Variants in CXCL12 observed in about 807,000 individuals in gnomAD.
The protein encoded by CXCL12 is C-X-C motif chemokine ligand 12.
Under a neutral mutation model 10.7 loss-of-function variants are expected in CXCL12, and 4 were observed. The observed-to-expected ratio is 0.37, with a 90% CI of 0.18 to 0.86. CXCL12 has a LOEUF of 0.86. CXCL12 is among the 40% of genes least tolerant of loss of function. The probability of loss-of-function intolerance (pLI) is 0.43; values close to 1 mark genes in which losing one functional copy is unlikely to be tolerated. For synonymous variants in CXCL12, 54 were observed against 45.4 expected (o/e 1.19, Z -0.77); for missense variants, 122 against 110.4 (o/e 1.10, Z -0.47).
downstream of CXCL12, among the ~76,000 whole-genome samples, chr10:44,376,717 G>A (rs756706240): frequency 3.7e-4 from 57 of 152,150 alleles, 1 homozygote; most frequent in African/African-American, 1.3e-3. Context: ...CTGTCCCTGT[G>A]AAAGCTTCAT....
chr10:44,371,434 T>C (rs1839310262), downstream of CXCL12: 3 of 431,850 alleles, frequency 6.9e-6, no homozygotes, highest in Non-Finnish European at 4.6e-6. Flanking sequence ...AACTCAATTA[T>C]ACTGGTATAG....
downstream of CXCL12, among the ~76,000 whole-genome samples, chr10:44,373,944 G>T (rs1839384409): frequency 6.6e-6 from 1 of 152,136 alleles, no homozygotes; most frequent in African/African-American, 2.4e-5. Flanking sequence ...GCACTTCCTA[G>T]TTTCAACCCA....
Position 44,380,808 on chromosome 10 carries a change from T to C in CXCL12, c.134A>G (p.Lys45Arg), listed in dbSNP as rs1374034337. 6.2e-7 allele frequency: 1 copy of C among 1,614,126 alleles called. No homozygotes were observed. The highest frequency in any genetic ancestry group is 1.3e-5 in the African/African-American group (1 of 74,950). Residue 45 changes from lysine (K) to arginine (R), a missense_variant, in exon 2 of 3, where the codon AAG (lysine) becomes AGG (arginine). Transcript: ENST00000343575. ...TGGAGTGTTGAGAATTTTGAGATGC[T>C]TGACGTTGGCTCTGGCAACATGGCT... ...FESHVARANVKHLKILNTPNC... is the reference protein window; with the variant it reads ...FESHVARANVRHLKILNTPNC...
At chr10:44,372,909 T>G (rs1197677373), downstream of CXCL12, 1 of 1,535,708 alleles carries the variant, frequency 6.5e-7, no homozygotes, top group East Asian at 2.4e-5. Flanking sequence ...CCAGGTTGAC[T>G]GGTCCTGGCA....
chr10:44,374,288 G>C (rs1183755792), downstream of CXCL12: 1 of 372,736 alleles, frequency 2.7e-6, no homozygotes, highest in Non-Finnish European at 5.3e-6. Flanking sequence ...CAGGCACAAA[G>C]CCCTGCTGCA....
chr10:44,377,056 C>T (rs919036678), downstream of CXCL12: 6 of 981,050 alleles, frequency 6.1e-6, no homozygotes, highest in African/African-American at 5.3e-5. Context: ...AAACCAGAAA[C>T]GTCTATAAGC....
At chr10:44,381,968 T>G (rs1037759530) in intron 1 of CXCL12, among the ~76,000 whole-genome samples, 3 of 152,090 alleles carry the variant, frequency 2.0e-5, no homozygotes, top group African/African-American at 7.3e-5. Context: ...GCTGGGGAAG[T>G]AGGAGGAAAT....
rs992526516 is a variant in CXCL12, at chr10:44,378,791, C to T, written c.180-68G>A. 5.7e-5 allele frequency: 87 copies of T among 1,521,750 alleles called. 2 individuals are homozygous for T. In the South Asian group the frequency reaches 6.1e-4, roughly 11 times the overall value. 94.3% of individuals were successfully genotyped at this position (1,521,750 alleles called of 1,614,324 possible). On this transcript the variant is annotated intron_variant, in intron 2 of 2. Transcript: ENST00000343575. ...AAGGCGCGGCTGCAACGTGTGCATC[C>T]GCTCCCCCAACACCCATCTAGGGCC...
intron 1 of CXCL12, 151 bp downstream of exon 1, chr10:44,384,794 C>T (rs1333296585): frequency 1.4e-6 from 1 of 716,018 alleles, no homozygotes; most frequent in Non-Finnish European, 2.2e-6. Context: ...AACGCGACAC[C>T]GCACCAGAGC....
downstream of CXCL12, among the ~76,000 whole-genome samples, chr10:44,373,721 C>T (rs570335675): frequency 6.6e-6 from 1 of 152,278 alleles, no homozygotes; most frequent in South Asian, 2.1e-4. Context: ...ATCCTGGCCT[C>T]GGCTGTCCCA....
chr10:44,375,119 G>A (rs555418043), downstream of CXCL12, among the ~76,000 whole-genome samples: 8 of 152,336 alleles, frequency 5.3e-5, no homozygotes, highest in South Asian at 2.1e-4. Context: ...AGGGATTCAG[G>A]ACCCTTGCAA....
downstream of CXCL12, among the ~76,000 whole-genome samples, chr10:44,376,429 T>C (rs893431294): frequency 1.3e-5 from 2 of 152,324 alleles, no homozygotes; most frequent in African/African-American, 4.8e-5. Context: ...GCTGAACTCT[T>C]AGCTTTCTCT....
In CXCL12 at chr10:44,378,286, G is replaced by A. The variant is rs190254459; in HGVS notation, c.*347C>T. ...AAGTACTCGTTGATTTAAAAAATGA[G>A]AATGAGAATGATGATGATTGTGATG... is the stretch of plus-strand genomic sequence containing the variant. On this transcript the variant is annotated 3_prime_UTR_variant, in exon 3 of 3. Transcript: ENST00000343575. The A allele has an allele frequency of 1.4e-6, 2 of 1,469,668 alleles. No individual in the cohort carries two copies. Among genetic ancestry groups the A allele is most frequent in the Non-Finnish European group, 9.1e-7 (1 of 1,099,068 alleles). The allele number at this position is 1,469,668 out of a possible 1,614,324, so 91.0% of individuals were successfully genotyped here.
chr10:44,376,610 C>G (rs777659609), downstream of CXCL12, among the ~76,000 whole-genome samples: 1 of 152,174 alleles, frequency 6.6e-6, no homozygotes, highest in African/African-American at 2.4e-5. Context: ...AGGGAGAGAG[C>G]TGGTTAGCAG....
intron 1 of CXCL12, 30 bp downstream of exon 1, chr10:44,384,914 TC>T (rs1187645730): frequency 6.7e-7 from 1 of 1,492,040 alleles, no homozygotes; most frequent in Non-Finnish European, 8.9e-7. Context: ...GCCCAGAGCC[TC>T]GCCAGGGCCT....
chr10:44,383,423 C>T (rs189722138), intron 1 of CXCL12, among the ~76,000 whole-genome samples: 19 of 152,168 alleles, frequency 1.2e-4, no homozygotes, highest in African/African-American at 4.6e-4. Flanking sequence ...AACTCAAAGA[C>T]CGAGGTTCCT....
chr10:44,377,816 C>A lies in CXCL12; in HGVS notation c.*817G>T. The A allele has an allele frequency of 6.3e-7, 1 of 1,597,202 alleles. No homozygotes were observed. Among genetic ancestry groups the A allele is most frequent in the Non-Finnish European group, 8.5e-7 (1 of 1,179,380 alleles). On this transcript the variant is annotated 3_prime_UTR_variant, in exon 3 of 3. Transcript: ENST00000343575. ...CCAAAGACGGATCTCACAGAGGGCC[C>A]GAGCTGTGGGGCAGGCCCTGGGAGG...
chr10:44,373,003 C>T (rs1007504783), downstream of CXCL12: 3 of 1,535,942 alleles, frequency 2.0e-6, no homozygotes, highest in African/African-American at 2.7e-5. Flanking sequence ...CCCACCTGCA[C>T]AGCTCAGAGA....
Position 44,377,534 on chromosome 10 carries a change from G to A in CXCL12, c.*1099C>T. On this transcript the variant is annotated 3_prime_UTR_variant, in exon 3 of 3. Coordinates refer to ENST00000343575, the MANE Select transcript of CXCL12 (RefSeq NM_199168.4). ...AGTTCTGATTGGAACCTGAAACCCT[G>A]CTGTGGCTTCAGGAGGGGGTAGTGG... is the stretch of plus-strand genomic sequence containing the variant. The A allele has an allele frequency of 4.9e-6, 7 of 1,423,868 alleles. No individual in the cohort carries two copies. The highest frequency in any genetic ancestry group is 1.4e-5 in the African/African-American group (1 of 69,372). 88.2% of individuals were successfully genotyped at this position (1,423,868 alleles called of 1,614,324 possible).
Sources: allele counts gnomAD v4.1 joint callset (sites outside exome capture counted in the v4.1 genomes callset), GRCh38; gene constraint gnomAD v4.1.1; transcripts MANE v1.5; gene names NCBI Gene and HGNC (gene_info 2026-07-23, HGNC 2026-07-21).